Variants in STXBP5L observed in about 807,000 individuals in gnomAD.
The protein encoded by STXBP5L is syntaxin binding protein 5L.
STXBP5L carries 65 observed loss-of-function variants against 144.5 expected under a neutral mutation model. That is an observed-to-expected ratio of 0.45 (90% CI 0.37 to 0.55). The LOEUF is 0.55. Among genes scored for constraint, STXBP5L ranks in the 20% least tolerant of loss-of-function variants. STXBP5L has a pLI of 0.00. For missense variants in STXBP5L, 1,298 were observed against 1,405.5 expected (o/e 0.92, Z 1.22); for synonymous variants, 505 against 469.6 (o/e 1.08, Z -0.97).
At chr3:120,976,081 C>T (rs890352715) in intron 3 of STXBP5L, among the ~76,000 whole-genome samples, 2 of 152,064 alleles carry the variant, frequency 1.3e-5, no homozygotes, top group Admixed American at 6.5e-5. Context: ...GGGAGGTTTT[C>T]CTCTTTTTCT....
rs749159166 is a variant in STXBP5L, at chr3:121,381,513, A to T, written c.2568A>T (p.Pro856=). 1.3e-6 allele frequency: 2 copies of T among 1,592,746 alleles called. No homozygotes were observed. Among genetic ancestry groups the T allele is most frequent in the Admixed American group, 3.8e-5 (2 of 52,792 alleles). The change falls in exon 22 of 27, where the codon CCA becomes CCT. Residue 856 remains proline, a synonymous_variant. Coordinates refer to ENST00000471454, the MANE Select transcript of STXBP5L (RefSeq NM_001308330.2). ...CAGATGAACAAAGGTTTACAGAGCC[A>T]GTCATGGTATTGCCAAGTGGTAAGA... is the stretch of plus-strand genomic sequence containing the variant. ...PLADEQRFTE[P]VMVLPSGTFL... is the part of the protein sequence containing the mutation.
chr3:120,978,756 T>C (rs902939020), intron 3 of STXBP5L, among the ~76,000 whole-genome samples: 2 of 152,214 alleles, frequency 1.3e-5, no homozygotes, highest in Non-Finnish European at 2.9e-5. Context: ...TAGTTTTCCT[T>C]CTAACAGATG....
Position 121,175,891 on chromosome 3 carries a change from C to T in STXBP5L, c.877+18264C>T, listed in dbSNP as rs559050269. ...AAAAGATATAGCTTACAAATGCCAA[C>T]CAAAAGAAAGCTAGTGTAGCTGTAC... On this transcript the variant is annotated intron_variant, in intron 9 of 26. Coordinates refer to ENST00000471454, the MANE Select transcript of STXBP5L (RefSeq NM_001308330.2). 4.7e-5 allele frequency among the ~76,000 whole-genome samples: 7 copies of T among 150,340 alleles called. No homozygotes were observed. In the South Asian group the frequency reaches 1.3e-3, roughly 27 times the overall value.
intron 7 of STXBP5L, among the ~76,000 whole-genome samples, chr3:121,140,742 TGAG>T (rs1463568014): frequency 1.3e-5 from 2 of 152,132 alleles, no homozygotes; most frequent in African/African-American, 4.8e-5. Flanking sequence ...AGGTGGTTAA[TGAG>T]GAGGAATGGA....
At chr3:121,223,200 G>A in intron 11 of STXBP5L, 43 bp downstream of exon 11, 1 of 1,540,036 alleles carries the variant, frequency 6.5e-7, no homozygotes, top group Non-Finnish European at 8.7e-7. Context: ...AAATCATTTT[G>A]GAAATGACAA....
intron 18 of STXBP5L, among the ~76,000 whole-genome samples, chr3:121,278,669 T>C (rs1354607529): frequency 6.6e-6 from 1 of 151,918 alleles, no homozygotes; most frequent in East Asian, 1.9e-4. Flanking sequence ...TCTGACTTGA[T>C]ACTCATAAAA....
intron 3 of STXBP5L, among the ~76,000 whole-genome samples, chr3:120,955,267 CT>C (rs1937898162): frequency 6.6e-6 from 1 of 151,872 alleles, no homozygotes; most frequent in East Asian, 1.9e-4. Context: ...TGTATCTTCT[CT>C]TTTTTCCTTA....
intron 20 of STXBP5L, among the ~76,000 whole-genome samples, chr3:121,361,698 T>C (rs1228233267): frequency 1.3e-5 from 2 of 152,022 alleles, no homozygotes; most frequent in East Asian, 3.9e-4. Flanking sequence ...CTTCCCTATG[T>C]TATCTCGAAT....
intron 7 of STXBP5L, among the ~76,000 whole-genome samples, chr3:121,131,369 A>C (rs1243701015): frequency 1.3e-5 from 2 of 152,210 alleles, no homozygotes; most frequent in Non-Finnish European, 1.5e-5. Context: ...AAAGTTATTA[A>C]ATTACTACTC....
At chr3:121,113,401 A>G (rs765242068) in intron 5 of STXBP5L, among the ~76,000 whole-genome samples, 3 of 152,140 alleles carry the variant, frequency 2.0e-5, no homozygotes, top group Non-Finnish European at 2.9e-5. Context: ...TTCCTGTGCA[A>G]CATTATTAAA....
At chr3:121,357,234 C>T (rs1023276442) in intron 20 of STXBP5L, 6 of 216,922 alleles carry the variant, frequency 2.8e-5, no homozygotes, top group Non-Finnish European at 1.0e-5. Context: ...CCTGGTGATC[C>T]TGAGAATTGA....
intron 8 of STXBP5L, among the ~76,000 whole-genome samples, chr3:121,155,106 A>G (rs558150279): frequency 4.6e-5 from 7 of 151,848 alleles, no homozygotes; most frequent in African/African-American, 1.7e-4. Flanking sequence ...TTTAAAACAG[A>G]TTATGGAATT....
chr3:121,168,682 G>A lies in STXBP5L; in HGVS notation c.877+11055G>A, dbSNP rs551178011. On this transcript the variant is annotated intron_variant, in intron 9 of 26. Coordinates refer to ENST00000471454, the MANE Select transcript of STXBP5L (RefSeq NM_001308330.2). Reference sequence around the variant, plus strand: ...AATGAACAAAGCCTCCAAGAAATATGGGACTATGTGAAAGGACCAAACCTA... The same window carrying A: ...AATGAACAAAGCCTCCAAGAAATATAGGACTATGTGAAAGGACCAAACCTA... 9.2e-5 allele frequency among the ~76,000 whole-genome samples: 14 copies of A among 152,248 alleles called. No homozygotes were observed. The South Asian group carries it at 2.3e-3, about 25-fold the overall frequency.
chr3:121,219,938 A>G (rs554179712), intron 10 of STXBP5L, among the ~76,000 whole-genome samples: 2 of 152,304 alleles, frequency 1.3e-5, no homozygotes, highest in South Asian at 4.1e-4. Context: ...CTTCATTGGA[A>G]CAAACTTTTA....
At position 121,343,210 on chromosome 3, in the gene STXBP5L, T is replaced by C. The variant is rs181478972; in HGVS notation, c.2176+24670T>C. On this transcript the variant is annotated intron_variant, in intron 20 of 26. Coordinates refer to ENST00000471454, the MANE Select transcript of STXBP5L (RefSeq NM_001308330.2). ...GATGGGGTTGTTTTTTTCTTGTAAA[T>C]TTGTTTGAGTTCATTGTAGATTCTG... 4.6e-3 allele frequency among the ~76,000 whole-genome samples: 694 copies of C among 152,204 alleles called. 4 individuals are homozygous for C. Among genetic ancestry groups the C allele is most frequent in the African/African-American group, 0.016 (660 of 41,514 alleles).
At chr3:121,292,445 T>C (rs1406031062) in intron 19 of STXBP5L, among the ~76,000 whole-genome samples, 1 of 152,192 alleles carries the variant, frequency 6.6e-6, no homozygotes, top group Non-Finnish European at 1.5e-5. Flanking sequence ...CTGGTAGGAA[T>C]GTAAACTACT....
chr3:121,169,744 G>T lies in STXBP5L; in HGVS notation c.877+12117G>T, dbSNP rs1205636244. Among the ~76,000 whole-genome samples, 4 of 152,124 alleles carry T rather than the reference G, an allele frequency of 2.6e-5. No individual in the cohort carries two copies. In the East Asian group the frequency reaches 5.8e-4, roughly 22 times the overall value. On this transcript the variant is annotated intron_variant, in intron 9 of 26. Transcript: ENST00000471454. ...AAGACTTAGGCCCCACACAATAATA[G>T]TGGGAGGCTTCAACACTCTACTGTC...
chr3:121,026,042 AATTATAATTAAATTAT>A (rs1435297402), intron 3 of STXBP5L, among the ~76,000 whole-genome samples: 5 of 146,048 alleles, frequency 3.4e-5, no homozygotes, highest in African/African-American at 5.0e-5. Context: ...AGTTATATAT[AATTATAATTAAATTAT>A]ATTATAATTA....
At chr3:121,170,480 A>G (rs2046667461) in intron 9 of STXBP5L, among the ~76,000 whole-genome samples, 1 of 152,228 alleles carries the variant, frequency 6.6e-6, no homozygotes, top group African/African-American at 2.4e-5. Flanking sequence ...CAAGAATCAA[A>G]TAGACACAAT....
Sources: allele counts gnomAD v4.1 joint callset (sites outside exome capture counted in the v4.1 genomes callset), GRCh38; gene constraint gnomAD v4.1.1; transcripts MANE v1.5; gene names NCBI Gene and HGNC (gene_info 2026-07-23, HGNC 2026-07-21).